The following ZNF599 variants were observed in gnomAD, a reference collection of about 807,000 sequenced individuals.
ZNF599 encodes zinc finger protein 599.
ZNF599 carries 10 observed loss-of-function variants against 11.7 expected under a neutral mutation model. The observed-to-expected ratio is 0.86, with a 90% confidence interval of 0.53 to 1.45. The LOEUF is 1.45. Among genes scored for constraint, ZNF599 ranks in the 40% most tolerant of loss-of-function variants. The pLI is 0.00. For synonymous variants in ZNF599, 232 were observed against 253.2 expected (o/e 0.92, Z 0.79); for missense variants, 688 against 713.6 (o/e 0.96, Z 0.41).
At chr19:34,765,695 T>C in intron 3 of ZNF599, 2 of 702,624 alleles carry the variant, frequency 2.8e-6, no homozygotes, top group South Asian at 3.0e-5. Flanking sequence ...AGCAAGAAAA[T>C]CAAGTGTGTA....
At chr19:34,796,653 G>A in the ZNF599 span, among the ~76,000 whole-genome samples, 1 of 152,100 alleles carries the variant, frequency 6.6e-6, no homozygotes, top group Non-Finnish European at 1.5e-5. Flanking sequence ...GGTGAACAGG[G>A]GAGCCATTCT....
At chr19:34,781,128 C>T in the ZNF599 span, among the ~76,000 whole-genome samples, 1 of 148,772 alleles carries the variant, frequency 6.7e-6, no homozygotes, top group South Asian at 2.1e-4. Flanking sequence ...TGTACTCCAG[C>T]CTGGGTGATA....
the ZNF599 span, among the ~76,000 whole-genome samples, chr19:34,782,976 A>C: frequency 6.6e-6 from 1 of 152,140 alleles, no homozygotes; most frequent in East Asian, 1.9e-4. Context: ...CAACTTCCCA[A>C]TTCAGAGGAG....
the ZNF599 span, among the ~76,000 whole-genome samples, chr19:34,790,442 G>C: frequency 6.6e-6 from 1 of 152,256 alleles, no homozygotes; most frequent in South Asian, 2.1e-4. Flanking sequence ...CTTAAAAAAG[G>C]GGGGAAATTC....
the ZNF599 span, among the ~76,000 whole-genome samples, chr19:34,800,496 T>C: frequency 6.6e-6 from 1 of 152,178 alleles, no homozygotes; most frequent in Admixed American, 6.5e-5. Context: ...AGCTCATTGA[T>C]TCTTTTTTCC....
intron 1 of ZNF599, among the ~76,000 whole-genome samples, chr19:34,770,408 T>C (rs1398681809): frequency 6.6e-6 from 1 of 152,214 alleles, no homozygotes; most frequent in Admixed American, 6.5e-5. Context: ...GTTAAAACAA[T>C]TTCAGCCACT....
chr19:34,787,722 G>C, the ZNF599 span, among the ~76,000 whole-genome samples: 2 of 152,176 alleles, frequency 1.3e-5, no homozygotes, highest in African/African-American at 4.8e-5. Context: ...GAATTATCAG[G>C]TACTGCTCTC....
At chr19:34,795,564 G>T in the ZNF599 span, among the ~76,000 whole-genome samples, 4 of 152,306 alleles carry the variant, frequency 2.6e-5, no homozygotes, top group Admixed American at 2.6e-4. Flanking sequence ...ACAGATGTGA[G>T]CCACTGTGCT....
intron 1 of ZNF599, among the ~76,000 whole-genome samples, chr19:34,770,803 C>T (rs1437465435): frequency 6.6e-6 from 1 of 152,164 alleles, no homozygotes; most frequent in Non-Finnish European, 1.5e-5. Flanking sequence ...TGGTGTCACT[C>T]TATGTCTCCT....
the ZNF599 span, among the ~76,000 whole-genome samples, chr19:34,787,441 C>A: frequency 6.6e-6 from 1 of 152,138 alleles, no homozygotes; most frequent in Non-Finnish European, 1.5e-5. Flanking sequence ...TATTTGGCTC[C>A]TTTAAAAGAA....
Position 34,759,268 on chromosome 19 carries a change from T to A in ZNF599, c.1533A>T (p.Glu511Asp). The A allele has an allele frequency of 6.2e-7, 1 of 1,614,244 alleles. No homozygotes were observed. The highest frequency in any genetic ancestry group is 8.5e-7 in the Non-Finnish European group (1 of 1,180,038). ...CAGGTTGGGTAAAAGCCTTTCCACA[T>A]TCTCTACAAACATAGGGCTTCTCTC... ...HTGEKPYVCR[E>D]CGKAFTQPAN... Residue 511 changes from glutamate (E) to aspartate (D), a missense_variant, in exon 4 of 4, where the codon GAA becomes GAT. Physicochemically the swap from Glu to Asp is conservative, Grantham distance 45. Coordinates refer to ENST00000329285, the MANE Select transcript of ZNF599 (RefSeq NM_001007248.3).
the ZNF599 span, among the ~76,000 whole-genome samples, chr19:34,782,884 G>A: frequency 1.3e-5 from 2 of 152,136 alleles, no homozygotes; most frequent in Non-Finnish European, 2.9e-5. Context: ...CATGATGGAG[G>A]CTATTGACTC....
At chr19:34,772,290 C>A in intron 1 of ZNF599, 1 of 984,008 alleles carries the variant, frequency 1.0e-6, no homozygotes, top group Non-Finnish European at 1.2e-6. Flanking sequence ...ATCCAATGAG[C>A]TTCTTGTCTT....
At chr19:34,760,831 G>A (rs1019842817) in intron 3 of ZNF599, among the ~76,000 whole-genome samples, 1 of 152,154 alleles carries the variant, frequency 6.6e-6, no homozygotes. Flanking sequence ...AGAGTGGGCA[G>A]ACTAATAATT....
At chr19:34,792,790 GA>G in the ZNF599 span, among the ~76,000 whole-genome samples, 1 of 152,058 alleles carries the variant, frequency 6.6e-6, no homozygotes, top group Non-Finnish European at 1.5e-5. Context: ...ATGAACCCAG[GA>G]GACGGAGCTT....
At chr19:34,805,493 G>C in the ZNF599 span, among the ~76,000 whole-genome samples, 1 of 152,248 alleles carries the variant, frequency 6.6e-6, no homozygotes, top group East Asian at 1.9e-4. Context: ...ACCGTGCCCA[G>C]CTGCTACCTT....
chr19:34,794,063 CAT>C, the ZNF599 span, among the ~76,000 whole-genome samples: 3 of 152,198 alleles, frequency 2.0e-5, no homozygotes, highest in Admixed American at 6.5e-5. Flanking sequence ...AGTCACATCT[CAT>C]GTGGATGGCA....
At chr19:34,771,638 G>A (rs2069184629) in intron 1 of ZNF599, among the ~76,000 whole-genome samples, 1 of 152,184 alleles carries the variant, frequency 6.6e-6, no homozygotes, top group East Asian at 1.9e-4. Context: ...AGAATGGCAG[G>A]GGGAGTGTCC....
chr19:34,760,348 A>G lies in ZNF599; in HGVS notation c.453T>C (p.Ser151=), dbSNP rs1281879380. 5 of 1,613,928 alleles carry G rather than the reference A, an allele frequency of 3.1e-6. No homozygotes were observed. Among genetic ancestry groups the G allele is most frequent in the African/African-American group, 1.3e-5 (1 of 74,874 alleles). Reference sequence around the variant, plus strand: ...CTGGCTCCAAATCATCATGTTTATAACTCAACTTCTCAGGGCATATCTCTT... The same window carrying G: ...CTGGCTCCAAATCATCATGTTTATAGCTCAACTTCTCAGGGCATATCTCTT... The part of the protein sequence containing the change: ...PHKEICPEKL[S]YKHDDLEPDD... Residue 151 remains serine, a synonymous_variant, in exon 4 of 4, where the codon AGT becomes AGC. Transcript: ENST00000329285.
Sources: allele counts gnomAD v4.1 joint callset (sites outside exome capture counted in the v4.1 genomes callset), GRCh38; gene constraint gnomAD v4.1.1; transcripts MANE v1.5; gene names NCBI Gene and HGNC (gene_info 2026-07-23, HGNC 2026-07-21).